PRR5L: variants seen among roughly 807,000 people sequenced by gnomAD.
PRR5L encodes proline rich 5 like, also known as proline-rich protein 5-like.
In PRR5L, 21 loss-of-function variants were observed where a neutral mutation model predicts 36.4. That is an observed-to-expected ratio of 0.58 (90% CI 0.41 to 0.83). PRR5L has a LOEUF of 0.83. Among genes scored for constraint, PRR5L ranks in the 40% least tolerant of loss-of-function variants. PRR5L has a pLI of 0.00. For missense variants in PRR5L, 381 were observed against 473.3 expected, an observed-to-expected ratio of 0.80 and a Z score of 1.81; for synonymous variants, 188 against 197.0, an observed-to-expected ratio of 0.95 and a Z score of 0.38.
chr11:36,309,329 AAG>A (rs1412483074), intron 1 of PRR5L, among the ~76,000 whole-genome samples: 1 of 152,368 alleles, frequency 6.6e-6, no homozygotes, highest in East Asian at 1.9e-4. Context: ...ATGTAGAAGA[AAG>A]AGCACTAGAC....
intron 1 of PRR5L, among the ~76,000 whole-genome samples, chr11:36,389,921 T>C (rs898715364): frequency 6.6e-6 from 1 of 152,174 alleles, no homozygotes; most frequent in Non-Finnish European, 1.5e-5. Flanking sequence ...CGACACCTGC[T>C]TATGGTTCCT....
chr11:36,351,230 A>T (rs1269562466), intron 1 of PRR5L, among the ~76,000 whole-genome samples: 2 of 81,634 alleles, frequency 2.4e-5, no homozygotes, highest in Non-Finnish European at 4.1e-5. Context: ...ATATATATTT[A>T]TATATATTTA....
intron 1 of PRR5L, among the ~76,000 whole-genome samples, chr11:36,356,989 T>A (rs535025444): frequency 1.3e-5 from 2 of 152,308 alleles, no homozygotes; most frequent in East Asian, 3.9e-4. Context: ...AAGCTAGACC[T>A]CTTGGGCCAA....
chr11:36,349,082 C>G (rs1856895610), intron 1 of PRR5L, among the ~76,000 whole-genome samples: 1 of 152,014 alleles, frequency 6.6e-6, no homozygotes, highest in African/African-American at 2.4e-5. Flanking sequence ...GCCGGGAGTT[C>G]AAGACCAGTG....
chr11:36,419,179 C>T, intron 3 of PRR5L, 76 bp from the exon 4 acceptor site: 2 of 1,398,224 alleles, frequency 1.4e-6, no homozygotes, highest in Non-Finnish European at 2.0e-6. Flanking sequence ...CCCCGTGCCA[C>T]TGGTGAGCAC....
chr11:36,394,090 G>A (rs1360229971), intron 1 of PRR5L: 1 of 152,170 alleles, frequency 6.6e-6, no homozygotes, highest in Non-Finnish European at 1.5e-5. Flanking sequence ...GCTAATACAG[G>A]GGTAGTACTA....
At chr11:36,333,471 A>G (rs1856739157) in intron 1 of PRR5L, among the ~76,000 whole-genome samples, 1 of 152,202 alleles carries the variant, frequency 6.6e-6, no homozygotes, top group African/African-American at 2.4e-5. Flanking sequence ...ACAGTAAACA[A>G]CCCAAATGTC....
chr11:36,461,825 T>G (rs1405303307), intron 8 of PRR5L, among the ~76,000 whole-genome samples: 2 of 152,130 alleles, frequency 1.3e-5, no homozygotes, highest in Non-Finnish European at 2.9e-5. Flanking sequence ...TGGTTCTGTA[T>G]GATTTGCAAG....
chr11:36,407,100 AAC>A (rs2133565724), intron 3 of PRR5L, among the ~76,000 whole-genome samples: 1 of 152,318 alleles, frequency 6.6e-6, no homozygotes, highest in Non-Finnish European at 1.5e-5. Context: ...TATTACTGTG[AAC>A]AGTTAAGAAA....
intron 1 of PRR5L, among the ~76,000 whole-genome samples, chr11:36,308,692 G>A (rs895327868): frequency 6.6e-6 from 1 of 152,196 alleles, no homozygotes; most frequent in African/African-American, 2.4e-5. Context: ...CTTCCACCTT[G>A]GGACACAGTA....
chr11:36,460,769 C>T (rs1385358982), intron 8 of PRR5L, among the ~76,000 whole-genome samples: 1 of 152,244 alleles, frequency 6.6e-6, no homozygotes, highest in Non-Finnish European at 1.5e-5. Context: ...AACTGCGTCC[C>T]CGCAGCTGTG....
chr11:36,330,029 A>G (rs1042675549), intron 1 of PRR5L, among the ~76,000 whole-genome samples: 1 of 152,250 alleles, frequency 6.6e-6, no homozygotes, highest in African/African-American at 2.4e-5. Context: ...CAAAGCCTTC[A>G]TAATATAACC....
intron 1 of PRR5L, among the ~76,000 whole-genome samples, chr11:36,368,295 G>C (rs143460728): frequency 6.6e-6 from 1 of 152,108 alleles, no homozygotes; most frequent in East Asian, 1.9e-4. Context: ...AGGGGATAGC[G>C]AGTAGAATAG....
At chr11:36,373,467 C>T (rs185454061) in intron 1 of PRR5L, among the ~76,000 whole-genome samples, 11 of 151,990 alleles carry the variant, frequency 7.2e-5, no homozygotes, top group East Asian at 1.9e-4. Context: ...TCTGGCTTGG[C>T]GTGGTGGCTG....
rs1307911652 is a variant in PRR5L at position 36,465,054 on chromosome 11, C to T, written c.*2318C>T. 6.6e-6 allele frequency: 1 copy of T among 152,088 alleles called. No individual in the cohort carries two copies. Among genetic ancestry groups the T allele is most frequent in the Non-Finnish European group, 1.5e-5 (1 of 68,000 alleles). 9.4% of individuals were successfully genotyped at this position (152,088 alleles called of 1,614,324 possible). ...GGTGTCCTTAACCACTTTTTCTCTC[C>T]TAGATTCATTTTCATTATTTATGCT... On this transcript the variant is annotated 3_prime_UTR_variant, in exon 9 of 9. Transcript: ENST00000530639.
chr11:36,372,627 G>C (rs1225352418), intron 1 of PRR5L, among the ~76,000 whole-genome samples: 1 of 152,162 alleles, frequency 6.6e-6, no homozygotes, highest in African/African-American at 2.4e-5. Flanking sequence ...GATCAGACTG[G>C]TAACAAGAGA....
intron 1 of PRR5L, among the ~76,000 whole-genome samples, chr11:36,319,695 T>C (rs1476505662): frequency 1.3e-5 from 2 of 152,080 alleles, no homozygotes; most frequent in African/African-American, 4.8e-5. Flanking sequence ...TTTTTTTTTT[T>C]TTTGCTTAAG....
chr11:36,326,286 G>A (rs1288000738), intron 1 of PRR5L, among the ~76,000 whole-genome samples: 1 of 140,078 alleles, frequency 7.1e-6, no homozygotes, highest in Admixed American at 7.4e-5. Context: ...ACACTTTAGT[G>A]TGTCTCCCCA....
intron 1 of PRR5L, 98 bp from the exon 2 acceptor site, chr11:36,400,899 T>A: frequency 4.2e-6 from 4 of 959,486 alleles, no homozygotes; most frequent in Non-Finnish European, 5.7e-6. Context: ...GTCCCGCAGT[T>A]GTTTTCGGGG....
Sources: allele counts gnomAD v4.1 joint callset (sites outside exome capture counted in the v4.1 genomes callset), GRCh38; gene constraint gnomAD v4.1.1; transcripts MANE v1.5; gene names NCBI Gene and HGNC (gene_info 2026-07-23, HGNC 2026-07-21).